Variants in AGTR1 observed in about 807,000 individuals in gnomAD.
AGTR1 encodes the protein angiotensin II receptor type 1.
AGTR1 carries 16 observed loss-of-function variants against 19.4 expected under a neutral mutation model. The ratio of observed to expected loss-of-function variants is 0.82; its 90% CI spans 0.56 to 1.25. The LOEUF (loss-of-function observed/expected upper bound fraction) is 1.25. Ranked by LOEUF, AGTR1 falls within the 50% of genes most tolerant of loss-of-function variation. The probability of loss-of-function intolerance (pLI) is 0.00; values close to 1 mark genes in which losing one functional copy is unlikely to be tolerated. For synonymous variants in AGTR1, 153 were observed against 154.9 expected (o/e 0.99, Z 0.09); for missense variants, 373 against 431.9 (o/e 0.86, Z 1.21).
rs202211101 is a variant in AGTR1 at position 148,741,562 on chromosome 3, A to G, written c.527A>G (p.Asn176Ser). The G allele has an allele frequency of 2.2e-5, 36 of 1,613,938 alleles. No individual in the cohort carries two copies. The highest frequency in any genetic ancestry group is 3.3e-5 in the Admixed American group (2 of 59,998). Residue 176 changes from asparagine (N) to serine (S), a missense_variant, in exon 3 of 3, where the codon AAT (asparagine) becomes AGT (serine). Asn to Ser is a conservative substitution (Grantham distance 46). Coordinates refer to ENST00000349243, the MANE Select transcript of AGTR1 (RefSeq NM_000685.5). ...AATGTATTTTTCATTGAGAACACCA[A>G]TATTACAGTTTGTGCTTTCCATTAT... Reference protein sequence around the residue: ...HRNVFFIENTNITVCAFHYES... With the variant: ...HRNVFFIENTSITVCAFHYES...
intron 2 of AGTR1, among the ~76,000 whole-genome samples, chr3:148,718,163 A>T (rs749710524): frequency 2.0e-5 from 3 of 152,212 alleles, no homozygotes; most frequent in Non-Finnish European, 4.4e-5. Context: ...TGAGCTTCCT[A>T]GTATTACACC....
chr3:148,716,311 G>A lies in AGTR1; in HGVS notation c.-48+8284G>A, dbSNP rs1166760137. 2.0e-5 allele frequency among the ~76,000 whole-genome samples: 3 copies of A among 152,140 alleles called. No individual in the cohort carries two copies. The highest frequency in any genetic ancestry group is 4.8e-5 in the African/African-American group (2 of 41,426). ...AGGCTCCTAGAAATGGGGTTGTGTT[G>A]AGTTGACAGAGATGTGTGGCTCTTT... On this transcript the variant is annotated intron_variant, in intron 2 of 2. Transcript: ENST00000349243. The surrounding 1 kb of genome is among the most constrained non-coding windows in gnomAD (Gnocchi z 4.7).
At chr3:148,719,326 G>A (rs1576530287) in intron 2 of AGTR1, among the ~76,000 whole-genome samples, 1 of 152,228 alleles carries the variant, frequency 6.6e-6, no homozygotes, top group East Asian at 1.9e-4. Context: ...TCAAGGGAAG[G>A]TGGCACACTT....
intron 2 of AGTR1, among the ~76,000 whole-genome samples, chr3:148,715,213 C>T (rs1492102): frequency 0.29 from 43,989 of 152,052 alleles, 9,427 homozygotes; most frequent in African/African-American, 0.61. Context: ...TGTTATTTTT[C>T]AATGGTAGCA....
Position 148,741,924 on chromosome 3 carries a change from C to A in AGTR1, c.889C>A (p.Leu297Met). ...TICIAYFNNC[L>M]NPLFYGFLGK... is the part of the protein sequence containing the mutation. ...TTGTATAGCTTATTTTAACAATTGCCTGAATCCTCTTTTTTATGGCTTTCT... is the reference window on the plus strand; with the variant it reads ...TTGTATAGCTTATTTTAACAATTGCATGAATCCTCTTTTTTATGGCTTTCT... The change falls in exon 3 of 3, where the codon CTG becomes ATG. Residue 297 changes from leucine to methionine, a missense_variant. Coordinates refer to ENST00000349243, the MANE Select transcript of AGTR1 (RefSeq NM_000685.5). The A allele has an allele frequency of 6.2e-7, 1 of 1,614,060 alleles. No homozygotes were observed.
At chr3:148,715,793 A>G (rs1004134560) in intron 2 of AGTR1, among the ~76,000 whole-genome samples, 13 of 152,322 alleles carry the variant, frequency 8.5e-5, no homozygotes, top group African/African-American at 3.1e-4. Context: ...AAATTGGACC[A>G]TAAGAAAGTT....
At chr3:148,726,432 C>G (rs948776138) in intron 2 of AGTR1, among the ~76,000 whole-genome samples, 6 of 152,162 alleles carry the variant, frequency 3.9e-5, no homozygotes, top group Non-Finnish European at 2.9e-5. Flanking sequence ...TGGTCTCGAG[C>G]TCCTGACCTT....
intron 2 of AGTR1, among the ~76,000 whole-genome samples, chr3:148,740,312 G>C (rs1439712870): frequency 6.6e-6 from 1 of 152,158 alleles, no homozygotes; most frequent in East Asian, 1.9e-4. Context: ...ATGCACTTTT[G>C]CTAGACTGAA....
At chr3:148,739,831 G>A (rs2107972295) in intron 2 of AGTR1, 2 of 1,231,772 alleles carry the variant, frequency 1.6e-6, no homozygotes, top group South Asian at 8.2e-5. Flanking sequence ...GCTCAGCCAT[G>A]TTCATCTGGG....
intron 2 of AGTR1, among the ~76,000 whole-genome samples, chr3:148,723,614 G>A (rs981787911): frequency 3.3e-5 from 5 of 152,164 alleles, no homozygotes; most frequent in Admixed American, 2.0e-4. Context: ...ATAGAAGAAC[G>A]AAAAGGGAAA....
intron 2 of AGTR1, among the ~76,000 whole-genome samples, chr3:148,737,467 G>A (rs931896176): frequency 2.0e-5 from 3 of 151,686 alleles, no homozygotes; most frequent in African/African-American, 7.3e-5. Context: ...ACATGCCTCT[G>A]ATATGATGTA....
chr3:148,699,810 T>C (rs1052856838), intron 1 of AGTR1, among the ~76,000 whole-genome samples: 10 of 152,236 alleles, frequency 6.6e-5, no homozygotes, highest in East Asian at 5.8e-4. Flanking sequence ...CCCCGCCACC[T>C]TTTTTCCCCC....
At chr3:148,718,227 A>G (rs1228693993) in intron 2 of AGTR1, among the ~76,000 whole-genome samples, 2 of 152,246 alleles carry the variant, frequency 1.3e-5, no homozygotes, top group Admixed American at 1.3e-4. Context: ...ATTAGAATCT[A>G]TGAAAATCTA....
intron 2 of AGTR1, among the ~76,000 whole-genome samples, chr3:148,710,206 A>G (rs963638036): frequency 2.0e-5 from 3 of 152,148 alleles, no homozygotes; most frequent in African/African-American, 7.2e-5. Flanking sequence ...GCTCTTTTAA[A>G]CTTATTTGGG....
At chr3:148,701,745 G>A (rs1712358443) in intron 1 of AGTR1, among the ~76,000 whole-genome samples, 1 of 152,008 alleles carries the variant, frequency 6.6e-6, no homozygotes, top group African/African-American at 2.4e-5. Context: ...ATTACAATGT[G>A]CCTTCCTATT....
At chr3:148,721,809 A>T (rs992726836) in intron 2 of AGTR1, among the ~76,000 whole-genome samples, 1 of 152,166 alleles carries the variant, frequency 6.6e-6, no homozygotes, top group Non-Finnish European at 1.5e-5. Flanking sequence ...GCAAATAATC[A>T]CCCAAACGTA....
At chr3:148,721,665 C>T (rs992504576) in intron 2 of AGTR1, among the ~76,000 whole-genome samples, 13 of 152,160 alleles carry the variant, frequency 8.5e-5, no homozygotes, top group African/African-American at 3.1e-4. Context: ...TCGAGGTCCT[C>T]TCTGAGTTAA....
intron 2 of AGTR1, 31 bp from the exon 3 acceptor site, chr3:148,740,958 T>G (rs1368622168): frequency 6.4e-7 from 1 of 1,574,326 alleles, no homozygotes; most frequent in Non-Finnish European, 8.6e-7. Flanking sequence ...TAAGAATTTT[T>G]TCTTTACCAT....
At chr3:148,739,679 G>A (rs1490362745) in intron 2 of AGTR1, 2 of 937,120 alleles carry the variant, frequency 2.1e-6, no homozygotes, top group East Asian at 3.3e-5. Flanking sequence ...CCCTTGCACA[G>A]CATCCCTTTG....
Sources: allele counts gnomAD v4.1 joint callset (sites outside exome capture counted in the v4.1 genomes callset), GRCh38; gene constraint gnomAD v4.1.1; non-coding constraint Gnocchi (gnomAD v3.1); transcripts MANE v1.5; gene names NCBI Gene and HGNC (gene_info 2026-07-23, HGNC 2026-07-21).